Variants in COQ5 observed in about 807,000 individuals in gnomAD.
The protein encoded by COQ5 is 2-methoxy-6-polyprenyl-1,4-benzoquinol methylase, mitochondrial.
In COQ5, 27 loss-of-function variants were observed where a neutral mutation model predicts 40.5. That is an observed-to-expected ratio of 0.67 (90% confidence interval 0.49 to 0.92). COQ5 has a LOEUF of 0.92. COQ5 is among the 40% of genes least tolerant of loss of function. The pLI, the probability that COQ5 is intolerant of heterozygous loss-of-function variation, is 0.00. For synonymous variants in COQ5, 141 were observed against 150.0 expected, an observed-to-expected ratio of 0.94 and a Z score of 0.44; for missense variants, 409 against 406.4, an observed-to-expected ratio of 1.01 and a Z score of -0.06.
chr12:120,520,331 A>AT (rs774193758), intron 2 of COQ5, among the ~76,000 whole-genome samples: 54 of 136,400 alleles, frequency 4.0e-4, no homozygotes, highest in Non-Finnish European at 4.6e-4. Context: ...TTTATTTTTA[A>AT]TTTTTTTTTT....
At chr12:120,526,675 T>C in intron 1 of COQ5, 1 of 239,824 alleles carries the variant, frequency 4.2e-6, no homozygotes, top group South Asian at 3.9e-5. Context: ...AGGTGGCAAA[T>C]AGTGCTCAAA....
intron 3 of COQ5, among the ~76,000 whole-genome samples, chr12:120,515,706 C>A (rs1458162633): frequency 6.6e-6 from 1 of 152,088 alleles, no homozygotes; most frequent in Non-Finnish European, 1.5e-5. Flanking sequence ...CTCAGCCTAC[C>A]CAATAGGGAC....
intron 1 of COQ5, chr12:120,527,303 C>T (rs558928636): frequency 6.6e-6 from 1 of 151,794 alleles, no homozygotes; most frequent in East Asian, 2.0e-4. Context: ...CCAGGCTGGT[C>T]TCGAACTCCT....
intron 1 of COQ5, among the ~76,000 whole-genome samples, chr12:120,528,091 A>G (rs1383906008): frequency 6.7e-6 from 1 of 148,880 alleles, no homozygotes; most frequent in East Asian, 2.0e-4. Context: ...AATCCCAGCT[A>G]CTCAGGAGGC....
At chr12:120,515,673 C>A (rs752126581) in intron 3 of COQ5, among the ~76,000 whole-genome samples, 4 of 152,136 alleles carry the variant, frequency 2.6e-5, no homozygotes, top group Non-Finnish European at 5.9e-5. Context: ...AGCCTTTAGA[C>A]CTTAATGCAG....
Position 120,528,947 on chromosome 12 carries a change from C to A in COQ5, c.195G>T (p.Gly65=). 6.2e-7 allele frequency: 1 copy of A among 1,614,118 alleles called. No individual in the cohort carries two copies. The part of the protein sequence containing the change: ...GFETVSEEEK[G]GKVYQVFESV... ...CCCTCTCGCCCCTTTCACCTTTGCC[C>A]CCCTTCTCCTCTTCCGACACAGTCT... The change falls in exon 1 of 7, where the codon GGG becomes GGT. Residue 65 remains glycine, a synonymous_variant. Coordinates refer to ENST00000288532, the MANE Select transcript of COQ5 (RefSeq NM_032314.4).
intron 1 of COQ5, among the ~76,000 whole-genome samples, chr12:120,527,909 GC>G (rs1870026147): frequency 7.1e-6 from 1 of 141,362 alleles, no homozygotes; most frequent in Admixed American, 7.5e-5. Flanking sequence ...ATGGCGTGAA[GC>G]CAGGAGGCGG....
chr12:120,525,454 TATAA>T (rs1240243432), intron 1 of COQ5, among the ~76,000 whole-genome samples: 1 of 152,064 alleles, frequency 6.6e-6, no homozygotes, highest in Non-Finnish European at 1.5e-5. Flanking sequence ...CCCCACTCGG[TATAA>T]ATAGTCCTCC....
At chr12:120,504,122 C>A (rs745836651) in intron 5 of COQ5, 41 bp from the exon 6 acceptor site, 42 of 1,177,658 alleles carry the variant, frequency 3.6e-5, no homozygotes, top group Admixed American at 1.0e-4. Context: ...TTAGAACATG[C>A]CCCTCACTTC....
chr12:120,523,902 C>T (rs373211427), intron 1 of COQ5: 31 of 410,858 alleles, frequency 7.5e-5, no homozygotes, highest in African/African-American at 5.2e-4. Flanking sequence ...CCCAGCTACT[C>T]GGGTGGTTGG....
At chr12:120,523,668 G>T (rs1438683301) in intron 1 of COQ5, among the ~76,000 whole-genome samples, 5 of 152,096 alleles carry the variant, frequency 3.3e-5, no homozygotes, top group African/African-American at 4.8e-5. Flanking sequence ...TAGGGTGGGG[G>T]AAATTGGAAT....
At position 120,529,089 on chromosome 12, in the gene COQ5, G is replaced by A; in HGVS notation, c.53C>T (p.Ser18Leu). The change falls in exon 1 of 7, where the codon TCG (serine) becomes TTG (leucine). Residue 18 changes from serine to leucine, a missense_variant. By Grantham distance (145) the Ser-to-Leu change is moderately radical. Coordinates refer to ENST00000288532, the MANE Select transcript of COQ5 (RefSeq NM_032314.4). ...ALWSYCGRGWSRAMRGCQLLG... is the reference protein window; with the variant it reads ...ALWSYCGRGWLRAMRGCQLLG... ...GAGCTGGCAGCCCCGCATCGCCCGC[G>A]ACCACCCACGGCCGCAATAGCTCCA... 6 of 1,614,064 alleles carry A rather than the reference G, an allele frequency of 3.7e-6. 1 individual carries two copies. The highest frequency in any genetic ancestry group is 5.1e-6 in the Non-Finnish European group (6 of 1,180,004).
chr12:120,504,040 C>G lies in COQ5; in HGVS notation c.812G>C (p.Gly271Ala). The G allele has an allele frequency of 2.5e-6, 4 of 1,613,340 alleles. No individual in the cohort carries two copies. The highest frequency in any genetic ancestry group is 3.4e-6 in the Non-Finnish European group (4 of 1,179,278). Reference sequence around the variant, plus strand: ...CTTCCAGTCTCCAGCGATGACCTCTCCCAGGACAGGGATGACCTGGAAGCT... The same window carrying G: ...CTTCCAGTCTCCAGCGATGACCTCTGCCAGGACAGGGATGACCTGGAAGCT... ...LYSFQVIPVL[G>A]EVIAGDWKSY... The change falls in exon 6 of 7, where the codon GGA (glycine) becomes GCA (alanine). Residue 271 changes from glycine (G) to alanine (A), a missense_variant. Physicochemically the swap from Gly to Ala is moderately conservative, Grantham distance 60. Coordinates refer to ENST00000288532, the MANE Select transcript of COQ5 (RefSeq NM_032314.4).
intron 1 of COQ5, among the ~76,000 whole-genome samples, chr12:120,528,732 A>C (rs1270740386): frequency 1.3e-5 from 2 of 151,454 alleles, no homozygotes; most frequent in South Asian, 2.1e-4. Context: ...TGAACCCGGG[A>C]GGCGGAGGTT....
At chr12:120,508,828 A>G (rs1868999968) in intron 4 of COQ5, among the ~76,000 whole-genome samples, 1 of 151,960 alleles carries the variant, frequency 6.6e-6, no homozygotes. Context: ...GACAGAGACC[A>G]TCCTGGCCAA....
rs558007397 is a variant in COQ5 at position 120,521,756 on chromosome 12, G to T, written c.352+458C>A. Among the ~76,000 whole-genome samples the T allele has an allele frequency of 1.6e-3, 247 of 152,158 alleles. 3 individuals are homozygous for T. The highest frequency in any genetic ancestry group is 5.7e-3 in the African/African-American group (237 of 41,516). The stretch of plus-strand genomic sequence containing the variant: ...TCATGCCTGTAATCCCAGCACTTTG[G>T]GAGGCCGAGGCAGGCAGACTGCCTG... On this transcript the variant is annotated intron_variant, in intron 2 of 6. Transcript: ENST00000288532.
At chr12:120,528,136 A>T (rs1361089223) in intron 1 of COQ5, among the ~76,000 whole-genome samples, 1 of 151,180 alleles carries the variant, frequency 6.6e-6, no homozygotes, top group African/African-American at 2.4e-5. Flanking sequence ...TAGGAGGCTG[A>T]GGTTGCAGTG....
intron 1 of COQ5, chr12:120,523,330 C>A: frequency 3.2e-6 from 1 of 313,966 alleles, no homozygotes. Flanking sequence ...GAGCGAGACT[C>A]CGTCTCAAAG....
intron 2 of COQ5, among the ~76,000 whole-genome samples, chr12:120,520,140 TTTATTA>T (rs1225451352): frequency 6.6e-6 from 1 of 151,016 alleles, no homozygotes; most frequent in African/African-American, 2.4e-5. Context: ...TATGTATTTA[TTTATTA>T]TTATTATTAT....
Sources: gnomAD v4.1 joint callset for allele counts (sites outside exome capture counted in the v4.1 genomes callset) on GRCh38, gnomAD v4.1.1 for gene constraint, MANE v1.5 for transcripts, NCBI Gene and HGNC (gene_info 2026-07-23, HGNC 2026-07-21) for gene names.